The following ATXN1 variants were observed in gnomAD, a reference collection of about 807,000 sequenced individuals.
ATXN1 encodes the protein ataxin-1.
A neutral mutation model predicts 56.4 loss-of-function variants in ATXN1; 8 were observed. That is an observed-to-expected ratio of 0.14 (90% CI 0.08 to 0.26). The LOEUF is 0.26. Ranked by LOEUF, ATXN1 falls within the 10% of genes least tolerant of loss-of-function variation. The probability of loss-of-function intolerance (pLI) is 1.00; values close to 1 mark genes in which losing one functional copy is unlikely to be tolerated. For missense variants in ATXN1, 987 were observed against 1,106.5 expected (o/e 0.89, Z 1.53); for synonymous variants, 514 against 494.6 (o/e 1.04, Z -0.52).
At chr6:16,574,896 C>G (rs1762395768) in intron 4 of ATXN1, among the ~76,000 whole-genome samples, 1 of 149,580 alleles carries the variant, frequency 6.7e-6, no homozygotes, top group African/African-American at 2.5e-5. Flanking sequence ...TTCTGCTAAT[C>G]TGTGACAGTT....
chr6:16,634,946 C>T (rs775243007), intron 3 of ATXN1, among the ~76,000 whole-genome samples: 3 of 152,108 alleles, frequency 2.0e-5, no homozygotes, highest in African/African-American at 7.2e-5. Context: ...CTGGTCTCCA[C>T]CAGTTGATTA....
At chr6:16,542,146 CT>C (rs2113717907) in intron 4 of ATXN1, among the ~76,000 whole-genome samples, 1 of 152,036 alleles carries the variant, frequency 6.6e-6, no homozygotes, top group South Asian at 2.1e-4. Context: ...AAAAGATAAC[CT>C]TTTCCCCACT....
intron 6 of ATXN1, among the ~76,000 whole-genome samples, chr6:16,429,822 C>A (rs900078032): frequency 6.6e-6 from 1 of 152,186 alleles, no homozygotes; most frequent in South Asian, 2.1e-4. Flanking sequence ...TCTTGACAAA[C>A]GGGGGCATGG....
At chr6:16,365,522 C>A (rs1434999502) in intron 6 of ATXN1, among the ~76,000 whole-genome samples, 1 of 152,204 alleles carries the variant, frequency 6.6e-6, no homozygotes, top group Non-Finnish European at 1.5e-5. Flanking sequence ...CTTCTTCATA[C>A]TGTAAGAACA....
chr6:16,521,263 A>T (rs987674462), intron 5 of ATXN1, among the ~76,000 whole-genome samples: 6 of 152,066 alleles, frequency 3.9e-5, no homozygotes, highest in Non-Finnish European at 7.4e-5. Flanking sequence ...ACATAACTTT[A>T]AAAAAAACGA....
intron 6 of ATXN1, among the ~76,000 whole-genome samples, chr6:16,430,513 C>T (rs1281167682): frequency 6.6e-6 from 1 of 152,156 alleles, no homozygotes; most frequent in African/African-American, 2.4e-5. Flanking sequence ...CCTTTTACCA[C>T]CAATAATTTG....
chr6:16,497,772 C>T (rs987183306), intron 5 of ATXN1, among the ~76,000 whole-genome samples: 1 of 152,150 alleles, frequency 6.6e-6, no homozygotes, highest in Non-Finnish European at 1.5e-5. Flanking sequence ...TGAGTTAACA[C>T]AGACCTTTCC....
At chr6:16,754,402 G>A (rs561498581) in intron 1 of ATXN1, among the ~76,000 whole-genome samples, 2 of 152,222 alleles carry the variant, frequency 1.3e-5, no homozygotes, top group East Asian at 3.9e-4. Context: ...GGTTTATATT[G>A]GATGTCAGAA....
chr6:16,741,498 A>G (rs754924546), intron 2 of ATXN1, among the ~76,000 whole-genome samples: 2 of 152,190 alleles, frequency 1.3e-5, no homozygotes, highest in Admixed American at 6.5e-5. Context: ...AGGAAGTCTC[A>G]TTTCTTGAGA....
At chr6:16,479,488 T>C (rs1760392484) in intron 6 of ATXN1, among the ~76,000 whole-genome samples, 1 of 152,236 alleles carries the variant, frequency 6.6e-6, no homozygotes, top group Non-Finnish European at 1.5e-5. Flanking sequence ...TTAATATTTT[T>C]ATGGTATAAT....
intron 6 of ATXN1, among the ~76,000 whole-genome samples, chr6:16,371,858 C>T (rs1045153973): frequency 8.5e-5 from 13 of 152,200 alleles, no homozygotes; most frequent in African/African-American, 3.1e-4. Flanking sequence ...GAATTACAGG[C>T]ATGAGCCACC....
chr6:16,559,932 G>A (rs1416976852), intron 4 of ATXN1, among the ~76,000 whole-genome samples: 1 of 151,976 alleles, frequency 6.6e-6, no homozygotes, highest in Non-Finnish European at 1.5e-5. Flanking sequence ...CCCAAATAGA[G>A]GCATTTGGCT....
chr6:16,745,877 G>A (rs1266408361), intron 2 of ATXN1, among the ~76,000 whole-genome samples: 3 of 151,670 alleles, frequency 2.0e-5, no homozygotes, highest in East Asian at 1.9e-4. Context: ...TACCTCAAAT[G>A]CAGCACTTTC....
intron 2 of ATXN1, among the ~76,000 whole-genome samples, chr6:16,703,403 TACA>T (rs1759332301): frequency 6.6e-6 from 1 of 152,134 alleles, no homozygotes; most frequent in Non-Finnish European, 1.5e-5. Flanking sequence ...ATGGGTGCAG[TACA>T]ACAACATGGC....
rs761160445 is a variant in ATXN1, at chr6:16,327,604, G to A, written c.707C>T (p.Pro236Leu). 2.2e-5 allele frequency: 35 copies of A among 1,592,130 alleles called. 1 individual carries two copies. Among genetic ancestry groups the A allele is most frequent in the South Asian group, 3.4e-5 (3 of 89,274 alleles). The change falls in exon 7 of 8, where the codon CCG (proline) becomes CTG (leucine). Residue 236 changes from proline to leucine, a missense_variant. Coordinates refer to ENST00000436367, the MANE Select transcript of ATXN1 (RefSeq NM_001128164.2). ...HLSRAPGLIT[P>L]GSPPPAQQNQ... The stretch of plus-strand genomic sequence containing the variant: ...CTGCTGGGCTGGTGGGGGGGACCCC[G>A]GGGTGATGAGCCCCGGAGCCCTGCT...
intron 6 of ATXN1, among the ~76,000 whole-genome samples, chr6:16,386,471 G>A (rs191588661): frequency 8.5e-4 from 130 of 152,306 alleles, no homozygotes; most frequent in African/African-American, 2.9e-3. Flanking sequence ...TTTCAGATCA[G>A]ACTGAACTCT....
In ATXN1 at chr6:16,328,036, G is replaced by A; in HGVS notation, c.275C>T (p.Ala92Val). 1 of 1,613,750 alleles carries A rather than the reference G, an allele frequency of 6.2e-7. No individual in the cohort carries two copies. Residue 92 changes from alanine (A) to valine (V), a missense_variant, in exon 7 of 8, where the codon GCT becomes GTT. By Grantham distance (64) the Ala-to-Val change is moderately conservative. Transcript: ENST00000436367. This position sits in a 1 kb window ranked among gnomAD's most constrained non-coding sequence, Gnocchi z 6.2. The part of the protein sequence containing the change: ...STGLDYSPPS[A>V]PRSVPVATTL... ...GGTGGCCACGGGGACAGACCTGGGAGCGCTGGGCGGGGAGTAGTCCAGCCC... is the reference window on the plus strand; with the variant it reads ...GGTGGCCACGGGGACAGACCTGGGAACGCTGGGCGGGGAGTAGTCCAGCCC...
chr6:16,347,981 C>T (rs944587864), intron 6 of ATXN1, among the ~76,000 whole-genome samples: 10 of 152,222 alleles, frequency 6.6e-5, no homozygotes, highest in Admixed American at 2.0e-4. Flanking sequence ...CAGCTTCATT[C>T]CTGAAGCCAG....
intron 2 of ATXN1, among the ~76,000 whole-genome samples, chr6:16,677,170 G>C (rs189286734): frequency 5.9e-5 from 9 of 152,088 alleles, no homozygotes; most frequent in African/African-American, 2.2e-4. Flanking sequence ...CAAACAATAC[G>C]GTGTGAATCA....
Sources: gnomAD v4.1 joint callset for allele counts (sites outside exome capture counted in the v4.1 genomes callset) on GRCh38, gnomAD v4.1.1 for gene constraint, Gnocchi (gnomAD v3.1) non-coding constraint, MANE v1.5 for transcripts, NCBI Gene and HGNC (gene_info 2026-07-23, HGNC 2026-07-21) for gene names.